The following ZFYVE26 variants were observed in gnomAD, a reference collection of about 807,000 sequenced individuals.
ZFYVE26 encodes the protein zinc finger FYVE-type containing 26.
In ZFYVE26, 181 loss-of-function variants were observed where a neutral mutation model predicts 276.5. The ratio of observed to expected loss-of-function variants is 0.65; its 90% CI spans 0.58 to 0.74. The LOEUF (loss-of-function observed/expected upper bound fraction) is 0.74. ZFYVE26 is among the 30% of genes least tolerant of loss of function. The probability of loss-of-function intolerance (pLI) is 0.00; values close to 1 mark genes in which losing one functional copy is unlikely to be tolerated. For missense variants in ZFYVE26, 2,821 were observed against 3,097.9 expected, an observed-to-expected ratio of 0.91 and a Z score of 2.12; for synonymous variants, 1,129 against 1,203.1, an observed-to-expected ratio of 0.94 and a Z score of 1.27.
At chr14:67,769,084 G>T (rs1013571889) in intron 29 of ZFYVE26, among the ~76,000 whole-genome samples, 1 of 152,088 alleles carries the variant, frequency 6.6e-6, no homozygotes, top group Non-Finnish European at 1.5e-5. Context: ...GATCTGTCTC[G>T]CCAGAGGTAT....
chr14:67,756,321 T>C, intron 35 of ZFYVE26, 176 bp from the exon 36 acceptor site: 1 of 717,146 alleles, frequency 1.4e-6, no homozygotes, highest in Non-Finnish European at 2.4e-6. Flanking sequence ...ACTGCTTCAC[T>C]TCTCTCCTTC....
Position 67,756,042 on chromosome 14 carries a change from A to C in ZFYVE26, c.6692T>G (p.Leu2231Trp). The change falls in exon 36 of 42, where the codon TTG becomes TGG. Residue 2231 changes from leucine (L) to tryptophan (W), a missense_variant. Coordinates refer to ENST00000347230, the MANE Select transcript of ZFYVE26 (RefSeq NM_015346.4). The part of the protein sequence containing the change: ...ENLLESIDPT[L>W]ESWGKYLIAA... Reference sequence around the variant, plus strand: ...AATCAAGTACTTTCCCCAGCTCTCCAAGGTTGGATCAATGGATTCTAGCAA... The same window carrying C: ...AATCAAGTACTTTCCCCAGCTCTCCCAGGTTGGATCAATGGATTCTAGCAA... 3 of 1,614,218 alleles carry C rather than the reference A, an allele frequency of 1.9e-6. No individual in the cohort carries two copies. Among genetic ancestry groups the C allele is most frequent in the Non-Finnish European group, 2.5e-6 (3 of 1,180,036 alleles).
chr14:67,771,022 T>C (rs886784553), intron 28 of ZFYVE26, among the ~76,000 whole-genome samples: 1 of 152,164 alleles, frequency 6.6e-6, no homozygotes, highest in African/African-American at 2.4e-5. Flanking sequence ...GTTTGTTACA[T>C]AGGTAAACTC....
chr14:67,785,890 A>G lies in ZFYVE26; in HGVS notation c.3272T>C (p.Leu1091Pro). The change falls in exon 18 of 42, where the codon CTT becomes CCT. Residue 1091 changes from leucine to proline, a missense_variant. Physicochemically the swap from Leu to Pro is moderately conservative, Grantham distance 98 (BLOSUM62 -3). Coordinates refer to ENST00000347230, the MANE Select transcript of ZFYVE26 (RefSeq NM_015346.4). ...TTLSQQLDQV[L>P]QSLREALELP... ...CTCTAGTGCCTCTCTCAGTGACTGA[A>G]GGACCTGATCTAGCTGCTGGGAGAG... The G allele has an allele frequency of 3.1e-6, 5 of 1,614,196 alleles. No individual in the cohort carries two copies. The highest frequency in any genetic ancestry group is 4.2e-6 in the Non-Finnish European group (5 of 1,180,042).
In ZFYVE26 at chr14:67,766,503, T is replaced by C. The variant is rs2039064031; in HGVS notation, c.5791-56A>G. 8 of 1,547,598 alleles carry C rather than the reference T, an allele frequency of 5.2e-6. No individual in the cohort carries two copies. The East Asian group carries it at 1.8e-4, about 35-fold the overall frequency. ...GGTGAGTCCAGGGGCCAGAGCATTC[T>C]CCAAAGGCAGCTGGGTGGCAGAAAT... On this transcript the variant is annotated intron_variant, in intron 31 of 41. Coordinates refer to ENST00000347230, the MANE Select transcript of ZFYVE26 (RefSeq NM_015346.4).
intron 12 of ZFYVE26, chr14:67,796,408 G>A (rs2140240855): frequency 6.6e-6 from 1 of 151,876 alleles, no homozygotes; most frequent in African/African-American, 2.4e-5. Context: ...GTTTTACTAT[G>A]TTAGCCAGGC....
intron 41 of ZFYVE26, 145 bp from the exon 42 acceptor site, chr14:67,748,784 T>C: frequency 2.4e-6 from 2 of 832,130 alleles, no homozygotes; most frequent in South Asian, 2.9e-5. Context: ...TATGGTATTA[T>C]AACAACTCTT....
rs779438048 is a variant in ZFYVE26, at chr14:67,775,133, C to T, written c.5222-19G>A. The T allele has an allele frequency of 1.2e-5, 18 of 1,552,572 alleles. No homozygotes were observed. Among genetic ancestry groups the T allele is most frequent in the Non-Finnish European group, 1.6e-5 (18 of 1,131,634 alleles). ...ACAGAATCTGTAGAGAGGGAAAATG[C>T]TGACAAAATATGGTTCTACCATAAG... On this transcript the variant is annotated intron_variant, in intron 26 of 41. Transcript: ENST00000347230.
intron 39 of ZFYVE26, 129 bp from the exon 40 acceptor site, chr14:67,752,655 CAT>C: frequency 9.9e-7 from 1 of 1,011,124 alleles, no homozygotes; most frequent in Non-Finnish European, 1.5e-6. Flanking sequence ...CAGTAGAAAA[CAT>C]AAATATACCA....
At chr14:67,752,193 A>G (rs1013378572) in intron 40 of ZFYVE26, 151 bp downstream of exon 40, 2 of 1,060,282 alleles carry the variant, frequency 1.9e-6, no homozygotes, top group East Asian at 2.6e-5. Flanking sequence ...GGAAGGGTCA[A>G]TTATGGTGAG....
At chr14:67,742,838 C>CTTATTT, downstream of ZFYVE26, among the ~76,000 whole-genome samples, 1 of 89,756 alleles carries the variant, frequency 1.1e-5, no homozygotes, top group Non-Finnish European at 2.0e-5. Flanking sequence ...TCTTCTTCTT[C>CTTATTT]TTTTTTTTTT....
At chr14:67,789,292 C>T in intron 16 of ZFYVE26, 43 bp downstream of exon 16, 1 of 1,612,440 alleles carries the variant, frequency 6.2e-7, no homozygotes. Context: ...AGAAACCCAT[C>T]TCATTTGAGA....
rs2040037625 is a variant in ZFYVE26, at chr14:67,799,567, A to G, written c.1640-945T>C. 9 of 1,521,104 alleles carry G rather than the reference A, an allele frequency of 5.9e-6. No individual in the cohort carries two copies. In the South Asian group the frequency reaches 9.0e-5, roughly 15 times the overall value. 94.2% of individuals were successfully genotyped at this position (1,521,104 alleles called of 1,614,324 possible). ...AAGCAAAGTACTGCAAGTCTTCCAA[A>G]GGAGGAGGGAAAAAATCTGCTCTCA... On this transcript the variant is annotated intron_variant, in intron 10 of 41. Coordinates refer to ENST00000347230, the MANE Select transcript of ZFYVE26 (RefSeq NM_015346.4).
chr14:67,778,093 C>G (rs781047624), intron 24 of ZFYVE26, 33 bp downstream of exon 24: 3 of 1,613,950 alleles, frequency 1.9e-6, no homozygotes, highest in Non-Finnish European at 2.5e-6. Context: ...TTGTCCCACC[C>G]CAGAAGAAAA....
downstream of ZFYVE26, among the ~76,000 whole-genome samples, chr14:67,743,541 TAAAA>T (rs2038444923): frequency 9.5e-6 from 1 of 105,388 alleles, no homozygotes; most frequent in Non-Finnish European, 2.0e-5. Context: ...TAAAATAAAA[TAAAA>T]TAAAATAAAA....
chr14:67,793,201 G>A (rs1035236080), intron 14 of ZFYVE26, among the ~76,000 whole-genome samples: 1 of 152,160 alleles, frequency 6.6e-6, no homozygotes, highest in African/African-American at 2.4e-5. Context: ...AGGGTGCAGT[G>A]AGCAGAAATC....
intron 13 of ZFYVE26, among the ~76,000 whole-genome samples, chr14:67,732,732 A>G (rs2038299086): frequency 6.6e-6 from 1 of 152,110 alleles, no homozygotes; most frequent in Admixed American, 6.5e-5. Flanking sequence ...GCCCACCACC[A>G]CACCCGGCTA....
At chr14:67,793,123 G>T (rs1204593575) in intron 14 of ZFYVE26, among the ~76,000 whole-genome samples, 1 of 151,860 alleles carries the variant, frequency 6.6e-6, no homozygotes, top group Non-Finnish European at 1.5e-5. Context: ...AGCCTGGTGT[G>T]GTGGGCACCT....
chr14:67,804,573 CA>C (rs138076653), intron 8 of ZFYVE26, among the ~76,000 whole-genome samples: 84 of 152,268 alleles, frequency 5.5e-4, no homozygotes, highest in African/African-American at 1.9e-3. Flanking sequence ...TTCAAATGAA[CA>C]CAAGTTTCTC....
Sources: allele counts gnomAD v4.1 joint callset (sites outside exome capture counted in the v4.1 genomes callset), GRCh38; gene constraint gnomAD v4.1.1; transcripts MANE v1.5; gene names NCBI Gene and HGNC (gene_info 2026-07-23, HGNC 2026-07-21).